Variants in RARB observed in about 807,000 individuals in gnomAD.
RARB encodes the protein HBV-activated protein.
RARB carries 17 observed loss-of-function variants against 51.9 expected under a neutral mutation model. That is an observed-to-expected ratio of 0.33 (90% CI 0.22 to 0.49). RARB has a LOEUF of 0.49. Ranked by LOEUF, RARB falls within the 20% of genes least tolerant of loss-of-function variation. The pLI, the probability that RARB is intolerant of heterozygous loss-of-function variation, is 0.99. For missense variants in RARB, 369 were observed against 550.8 expected, an observed-to-expected ratio of 0.67 and a Z score of 3.30; for synonymous variants, 215 against 195.4, an observed-to-expected ratio of 1.10 and a Z score of -0.84.
chr3:25,328,589 A>G (rs1296884697), intron 5 of RARB, among the ~76,000 whole-genome samples: 1 of 152,202 alleles, frequency 6.6e-6, no homozygotes, highest in Non-Finnish European at 1.5e-5. Context: ...GAAGAGCTCC[A>G]GTCTACAGCT....
At chr3:25,550,183 A>G (rs983532570) in intron 3 of RARB, among the ~76,000 whole-genome samples, 1 of 152,224 alleles carries the variant, frequency 6.6e-6, no homozygotes, top group African/African-American at 2.4e-5. Context: ...TGCAGTTAAG[A>G]TACTTGGCAG....
chr3:25,115,003 A>G (rs1210689704), intron 3 of RARB, among the ~76,000 whole-genome samples: 1 of 152,238 alleles, frequency 6.6e-6, no homozygotes, highest in African/African-American at 2.4e-5. Flanking sequence ...TTAGTGCTCA[A>G]GGATGATAAT....
At chr3:25,251,109 T>A (rs1274330201) in intron 5 of RARB, among the ~76,000 whole-genome samples, 2 of 152,150 alleles carry the variant, frequency 1.3e-5, no homozygotes, top group Non-Finnish European at 2.9e-5. Flanking sequence ...AGTACCACAT[T>A]CCTCTATTCA....
chr3:25,220,480 C>G (rs1219362554), intron 5 of RARB, among the ~76,000 whole-genome samples: 1 of 152,186 alleles, frequency 6.6e-6, no homozygotes, highest in Non-Finnish European at 1.5e-5. Flanking sequence ...ACCCAAATCT[C>G]AAAATTATAA....
intron 5 of RARB, among the ~76,000 whole-genome samples, chr3:25,321,255 A>G (rs1704560674): frequency 6.6e-6 from 1 of 152,216 alleles, no homozygotes; most frequent in East Asian, 1.9e-4. Context: ...AATGACTTTG[A>G]AATGTACAGG....
At chr3:25,392,308 G>C (rs892219155) in intron 5 of RARB, among the ~76,000 whole-genome samples, 6 of 152,092 alleles carry the variant, frequency 3.9e-5, no homozygotes, top group Admixed American at 6.5e-5. Flanking sequence ...AGTATTGTTT[G>C]AAATCAGGTA....
chr3:25,206,576 G>T (rs913786301), intron 5 of RARB, among the ~76,000 whole-genome samples: 1 of 152,138 alleles, frequency 6.6e-6, no homozygotes, highest in Admixed American at 6.5e-5. Flanking sequence ...ACCCATTTCA[G>T]ATCATTTATC....
chr3:25,021,653 G>A (rs1697637975), intron 2 of RARB, among the ~76,000 whole-genome samples: 2 of 151,070 alleles, frequency 1.3e-5, no homozygotes, highest in African/African-American at 4.9e-5. Context: ...ATTTTTTACT[G>A]GAAAAAAAAA....
intron 5 of RARB, among the ~76,000 whole-genome samples, chr3:25,318,138 G>A (rs1704475685): frequency 6.6e-6 from 1 of 152,168 alleles, no homozygotes; most frequent in Admixed American, 6.5e-5. Flanking sequence ...CAGAAAATTA[G>A]AGGAAGGTCT....
intron 5 of RARB, among the ~76,000 whole-genome samples, chr3:25,215,224 C>G (rs971760264): frequency 1.3e-5 from 2 of 152,164 alleles, no homozygotes; most frequent in African/African-American, 4.8e-5. Flanking sequence ...AGGTGGTTCT[C>G]TGTAGCCAGG....
chr3:24,965,410 A>G (rs1017096113), intron 2 of RARB, among the ~76,000 whole-genome samples: 1 of 152,180 alleles, frequency 6.6e-6, no homozygotes, highest in Non-Finnish European at 1.5e-5. Context: ...TGGAAAAAGT[A>G]GGTAGGCTTT....
chr3:25,472,078 G>A (rs905572666), intron 2 of RARB, among the ~76,000 whole-genome samples: 1 of 152,186 alleles, frequency 6.6e-6, no homozygotes, highest in Non-Finnish European at 1.5e-5. Flanking sequence ...TAGCCTTAGT[G>A]TTTCTAATGC....
intron 4 of RARB, among the ~76,000 whole-genome samples, chr3:25,143,181 A>T (rs115751098): frequency 0.014 from 2,105 of 152,188 alleles, 23 homozygotes; most frequent in Middle Eastern, 0.041. Flanking sequence ...CAACTCACCT[A>T]GCAGTCTCTC....
At chr3:25,405,666 A>G (rs1248230338) in intron 5 of RARB, among the ~76,000 whole-genome samples, 1 of 152,250 alleles carries the variant, frequency 6.6e-6, no homozygotes, top group Admixed American at 6.5e-5. Flanking sequence ...GAAATGAAAT[A>G]AAAAATTCTG....
intron 5 of RARB, among the ~76,000 whole-genome samples, chr3:25,221,906 A>C (rs1397322307): frequency 2.0e-5 from 3 of 152,236 alleles, no homozygotes; most frequent in Admixed American, 1.3e-4. Context: ...TATTTTGATC[A>C]GTGCCAAAAA....
At chr3:25,202,339 GTCT>G (rs1308519037) in intron 5 of RARB, among the ~76,000 whole-genome samples, 1 of 151,510 alleles carries the variant, frequency 6.6e-6, no homozygotes, top group Non-Finnish European at 1.5e-5. Context: ...TTCTTTATTA[GTCT>G]TCTTAGTGGT....
chr3:25,515,513 G>A lies in RARB; in HGVS notation c.448+14190G>A, dbSNP rs140378696. 3.9e-3 allele frequency among the ~76,000 whole-genome samples: 588 copies of A among 152,248 alleles called. 14 individuals carry two copies. The highest frequency in any genetic ancestry group is 0.028 in the East Asian group (143 of 5,174). ...ATTGATAATAGTCCAATCCTGGGGG[G>A]GAGGGGGAACAAACCCATATGTCTG... On this transcript the variant is annotated intron_variant, in intron 3 of 7. Coordinates refer to ENST00000330688, the MANE Select transcript of RARB (RefSeq NM_000965.5).
chr3:25,334,340 A>T (rs912849797), intron 5 of RARB, among the ~76,000 whole-genome samples: 76 of 152,220 alleles, frequency 5.0e-4, no homozygotes, highest in Middle Eastern at 6.3e-3. Context: ...ATGGAATACT[A>T]TGCAGCCATA....
chr3:24,834,402 G>T (rs1702316434), intron 1 of RARB, among the ~76,000 whole-genome samples: 1 of 152,104 alleles, frequency 6.6e-6, no homozygotes, highest in Admixed American at 6.5e-5. Flanking sequence ...AAGAGACTGA[G>T]AATCAAGCAT....
Sources: allele counts gnomAD v4.1 joint callset (sites outside exome capture counted in the v4.1 genomes callset), GRCh38; gene constraint gnomAD v4.1.1; transcripts MANE v1.5; gene names NCBI Gene and HGNC (gene_info 2026-07-23, HGNC 2026-07-21).